Variants in GAK observed in about 807,000 individuals in gnomAD.
The protein encoded by GAK is cyclin-G-associated kinase.
GAK carries 79 observed loss-of-function variants against 143.9 expected under a neutral mutation model. The observed-to-expected ratio is 0.55, with a 90% CI of 0.46 to 0.66. GAK has a LOEUF of 0.66. Among genes scored for constraint, GAK ranks in the 30% least tolerant of loss-of-function variants. The probability of loss-of-function intolerance (pLI) is 0.00; values close to 1 mark genes in which losing one functional copy is unlikely to be tolerated. For synonymous variants in GAK, 881 were observed against 765.5 expected (o/e 1.15, Z -2.49); for missense variants, 1,693 against 1,779.7 (o/e 0.95, Z 0.88).
At chr4:857,591 C>T (rs573754919) in intron 24 of GAK, among the ~76,000 whole-genome samples, 1 of 152,158 alleles carries the variant, frequency 6.6e-6, no homozygotes, top group Non-Finnish European at 1.5e-5. Context: ...GCATACTGCA[C>T]AGAGGCGCCT....
intron 7 of GAK, 116 bp from the exon 8 acceptor site, chr4:894,125 G>T: frequency 8.4e-7 from 1 of 1,191,030 alleles, no homozygotes; most frequent in Non-Finnish European, 1.1e-6. Flanking sequence ...GGGTGACATC[G>T]GAGCCGTGGG....
At chr4:870,172 C>T (rs550108814) in intron 19 of GAK, among the ~76,000 whole-genome samples, 3 of 152,322 alleles carry the variant, frequency 2.0e-5, no homozygotes, top group Non-Finnish European at 2.9e-5. Flanking sequence ...CTTTCAGGGA[C>T]GCTGAAGATG....
rs1320164849 is a variant in GAK at position 849,376 on chromosome 4, C to G, written c.*297G>C. Reference sequence around the variant, plus strand: ...CATGAGCGCCAGCAGCGTGGCCCACCACGTGCCGGGGCTCCAGAGGCCACG... The same window carrying G: ...CATGAGCGCCAGCAGCGTGGCCCACGACGTGCCGGGGCTCCAGAGGCCACG... On this transcript the variant is annotated 3_prime_UTR_variant, in exon 28 of 28. Coordinates refer to ENST00000314167, the MANE Select transcript of GAK (RefSeq NM_005255.4). The G allele has an allele frequency of 4.3e-6, 2 of 464,934 alleles. No individual in the cohort carries two copies. The highest frequency in any genetic ancestry group is 4.0e-6 in the Non-Finnish European group (1 of 252,690). 28.8% of individuals were successfully genotyped at this position (464,934 alleles called of 1,614,324 possible).
rs754156205 is a variant in GAK, at chr4:896,840, G to A, written c.652-291C>T. Among the ~76,000 whole-genome samples, 79 of 152,232 alleles carry A rather than the reference G, an allele frequency of 5.2e-4. 1 individual carries two copies. The highest frequency in any genetic ancestry group is 6.5e-4 in the Admixed American group (10 of 15,290). ...CGGCACCGACGTATTGGCCTGCTGC[G>A]CACCAAGTCCGCTTGCTGAGGAGAA... On this transcript the variant is annotated intron_variant, in intron 6 of 27. Coordinates refer to ENST00000314167, the MANE Select transcript of GAK (RefSeq NM_005255.4).
At chr4:863,259 G>A (rs1026150946) in intron 23 of GAK, among the ~76,000 whole-genome samples, 1 of 152,198 alleles carries the variant, frequency 6.6e-6, no homozygotes, top group East Asian at 1.9e-4. Context: ...AGATGGGACC[G>A]AATTACTGCA....
At chr4:912,693 C>A in intron 3 of GAK, 42 bp downstream of exon 3, 1 of 1,567,034 alleles carries the variant, frequency 6.4e-7, no homozygotes, top group Non-Finnish European at 8.8e-7. Context: ...CCTGTGCCTG[C>A]CAAAGCCACC....
At chr4:892,564 G>C (rs1717885205) in intron 9 of GAK, among the ~76,000 whole-genome samples, 1 of 152,228 alleles carries the variant, frequency 6.6e-6, no homozygotes, top group Non-Finnish European at 1.5e-5. Context: ...ACACGGCCCT[G>C]TGGGCCTCAG....
chr4:868,353 A>G (rs1321007348), intron 20 of GAK, among the ~76,000 whole-genome samples, 186 bp downstream of exon 20: 2 of 152,084 alleles, frequency 1.3e-5, no homozygotes, highest in Non-Finnish European at 2.9e-5. Context: ...CTTTAAAAAG[A>G]TATGAAATCA....
chr4:913,697 A>G (rs1319523101), intron 1 of GAK, 29 bp from the exon 2 acceptor site: 2 of 1,563,264 alleles, frequency 1.3e-6, no homozygotes, highest in Non-Finnish European at 1.8e-6. Flanking sequence ...TGTCAGTTCA[A>G]TGCTATGATT....
chr4:913,557 T>A (rs1204064172), intron 2 of GAK, 50 bp downstream of exon 2: 1 of 1,375,900 alleles, frequency 7.3e-7, no homozygotes, highest in South Asian at 1.2e-5. Context: ...CACCAGACAG[T>A]CCCTTTACAT....
intron 18 of GAK, among the ~76,000 whole-genome samples, chr4:874,868 T>A (rs74282747): frequency 0.034 from 5,179 of 152,294 alleles, 119 homozygotes; most frequent in East Asian, 0.095. Context: ...ACCCTCTCTG[T>A]ACGTGTCTTC....
Position 849,457 on chromosome 4 carries a change from C to CT in GAK, c.*215dup, listed in dbSNP as rs1747664687. On this transcript the variant is annotated 3_prime_UTR_variant, in exon 28 of 28. Transcript: ENST00000314167. ...CAATTGCGGGAGGAGCATGAATCAG[C>CT]TGTTCCTTCGGGAGGAGAAAAAGGA... The CT allele has an allele frequency of 3.5e-6, 2 of 572,730 alleles. No homozygotes were observed. The highest frequency in any genetic ancestry group is 6.3e-6 in the Non-Finnish European group (2 of 318,276). 35.5% of individuals were successfully genotyped at this position (572,730 alleles called of 1,614,324 possible).
Position 894,117 on chromosome 4 carries a change from GT to G in GAK, c.742-109del. On this transcript the variant is annotated intron_variant, in intron 7 of 27. Coordinates refer to ENST00000314167, the MANE Select transcript of GAK (RefSeq NM_005255.4). ...GCCCAGGCCCACGGGGAATGCAGGGGTGACATCGGAGCCGTGGGGAGCGCAG... is the reference window on the plus strand; with the variant it reads ...GCCCAGGCCCACGGGGAATGCAGGGGGACATCGGAGCCGTGGGGAGCGCAG... 3 of 1,306,014 alleles carry G rather than the reference GT, an allele frequency of 2.3e-6. No homozygotes were observed. The Admixed American group carries it at 9.0e-5, about 39-fold the overall frequency. 80.9% of individuals were successfully genotyped at this position (1,306,014 alleles called of 1,614,324 possible). A position where few individuals can be genotyped will look rare whatever the true frequency, so the allele number is the denominator to read the frequency against.
intron 23 of GAK, among the ~76,000 whole-genome samples, chr4:860,722 C>T (rs1305858227): frequency 1.3e-5 from 2 of 150,262 alleles, no homozygotes; most frequent in Admixed American, 1.3e-4. Flanking sequence ...GAAGGGCACC[C>T]AGGCCCTGGC....
intron 26 of GAK, chr4:850,338 G>A (rs1028739425): frequency 1.5e-5 from 6 of 393,768 alleles, no homozygotes; most frequent in Admixed American, 1.2e-4. Flanking sequence ...ACAAACCCTG[G>A]TTCTGGTGGT....
At chr4:922,659 G>C (rs1273624049) in intron 1 of GAK, among the ~76,000 whole-genome samples, 2 of 152,144 alleles carry the variant, frequency 1.3e-5, no homozygotes, top group Admixed American at 6.5e-5. Context: ...TCAGTCTGGA[G>C]TATTTTGTTA....
Position 888,939 on chromosome 4 carries a change from ATACGGCTGGTCG to A in GAK, c.1101_1112del (p.Asp368_Tyr371del). The A allele has an allele frequency of 6.2e-7, 1 of 1,612,290 alleles. No individual in the cohort carries two copies. The highest frequency in any genetic ancestry group is 8.5e-7 in the Non-Finnish European group (1 of 1,179,728). ...CCCGCAGAATGTCCAGGAAGCCGCCATACGGCTGGTCGTACTCCGCCAGCGCCAGGCCTGCAG... is the reference window on the plus strand; with the variant it reads ...CCCGCAGAATGTCCAGGAAGCCGCCATACTCCGCCAGCGCCAGGCCTGCAG... On this transcript the variant is annotated inframe_deletion, in exon 11 of 28. Transcript: ENST00000314167.
At chr4:856,824 C>T (rs1049585665) in intron 24 of GAK, among the ~76,000 whole-genome samples, 3 of 152,248 alleles carry the variant, frequency 2.0e-5, no homozygotes, top group East Asian at 1.9e-4. Flanking sequence ...AATCCTCCCA[C>T]GTTGGCCTCC....
intron 11 of GAK, chr4:888,521 T>C: frequency 3.4e-6 from 1 of 296,336 alleles, no homozygotes; most frequent in Non-Finnish European, 6.3e-6. Context: ...ACCACCGAGG[T>C]TTCACCCAAT....
Sources: allele counts gnomAD v4.1 joint callset (sites outside exome capture counted in the v4.1 genomes callset), GRCh38; gene constraint gnomAD v4.1.1; transcripts MANE v1.5; gene names NCBI Gene and HGNC (gene_info 2026-07-23, HGNC 2026-07-21).